CRYM: variants seen among roughly 807,000 people sequenced by gnomAD.
CRYM encodes the protein crystallin mu, also known as ketimine reductase mu-crystallin.
CRYM carries 18 observed loss-of-function variants against 32.9 expected under a neutral mutation model. That is an observed-to-expected ratio of 0.55 (90% CI 0.38 to 0.81). CRYM has a LOEUF of 0.81. Among genes scored for constraint, CRYM ranks in the 30% least tolerant of loss-of-function variants. The pLI is 0.00. For missense variants in CRYM, 337 were observed against 393.5 expected (o/e 0.86, Z 1.21); for synonymous variants, 153 against 152.4 (o/e 1.00, Z -0.03).
rs1446060399 is a variant in CRYM, at chr16:21,261,293, G to A, written c.841C>T (p.Pro281Ser). 2 of 1,613,870 alleles carry A rather than the reference G, an allele frequency of 1.2e-6. No homozygotes were observed. The highest frequency in any genetic ancestry group is 2.7e-5 in the African/African-American group (2 of 74,872). ...ACGGTGGTCTTCTCACAGTGGGCTG[G>A]TTTCACTCCCTTAATCACTTCTCCC... is the stretch of plus-strand genomic sequence containing the variant. ...ELGEVIKGVK[P>S]AHCEKTTVFK... Residue 281 changes from proline (P) to serine (S), a missense_variant, in exon 7 of 8, where the codon CCA becomes TCA. Coordinates refer to ENST00000572914, the MANE Select transcript of CRYM (RefSeq NM_001376256.1).
At chr16:21,259,359 C>T (rs1222322494) in intron 7 of CRYM, among the ~76,000 whole-genome samples, 10 of 151,974 alleles carry the variant, frequency 6.6e-5, no homozygotes, top group African/African-American at 4.8e-5. Context: ...CCGCCCACCT[C>T]GGCCTCCCAA....
At chr16:21,281,233 T>C (rs1294944546), upstream of CRYM, among the ~76,000 whole-genome samples, 2 of 151,388 alleles carry the variant, frequency 1.3e-5, no homozygotes, top group Admixed American at 6.6e-5. Context: ...TATATAGATA[T>C]GTATATATGT....
intron 7 of CRYM, among the ~76,000 whole-genome samples, chr16:21,259,521 G>A (rs1747591281): frequency 6.6e-6 from 1 of 152,112 alleles, no homozygotes; most frequent in African/African-American, 2.4e-5. Flanking sequence ...CAGCCAACAG[G>A]TAAACAAAAG....
intron 3 of CRYM, among the ~76,000 whole-genome samples, chr16:21,274,611 T>G (rs554306319): frequency 5.1e-4 from 78 of 152,310 alleles, no homozygotes; most frequent in Non-Finnish European, 6.8e-4. Flanking sequence ...TTTTGTTTCC[T>G]TTTTGTTTTG....
chr16:21,261,708 A>C, intron 6 of CRYM: 1 of 462,736 alleles, frequency 2.2e-6, no homozygotes, highest in South Asian at 2.2e-5. Flanking sequence ...GAAGGTGGGC[A>C]ACACAGTCTT....
chr16:21,295,289 C>T (rs1336050303), intron 1 of CRYM, among the ~76,000 whole-genome samples: 1 of 152,172 alleles, frequency 6.6e-6, no homozygotes, highest in Non-Finnish European at 1.5e-5. Flanking sequence ...TCACCAACAG[C>T]GTAAAAGTGT....
chr16:21,263,808 T>C (rs1051395344), intron 5 of CRYM, among the ~76,000 whole-genome samples: 6 of 152,160 alleles, frequency 3.9e-5, no homozygotes, highest in Non-Finnish European at 5.9e-5. Context: ...TTAGATGTGG[T>C]GGAGACTGAG....
chr16:21,295,749 A>G (rs185431257), intron 1 of CRYM, among the ~76,000 whole-genome samples: 13 of 152,284 alleles, frequency 8.5e-5, no homozygotes, highest in Non-Finnish European at 1.5e-5. Flanking sequence ...CCTGGCCAAC[A>G]TGGTGAAACT....
chr16:21,262,232 A>G, intron 5 of CRYM, 74 bp from the exon 6 acceptor site: 2 of 1,598,956 alleles, frequency 1.3e-6, no homozygotes, highest in Admixed American at 1.7e-5. Context: ...AGCACAGGAG[A>G]GAGGTGAACA....
At chr16:21,258,870 G>A (rs775938865) in intron 7 of CRYM, 25 bp from the exon 8 acceptor site, 16 of 1,611,702 alleles carry the variant, frequency 9.9e-6, no homozygotes, top group African/African-American at 2.7e-5. Flanking sequence ...AATTTGGTTC[G>A]CCTTTGGTCA....
At chr16:21,260,566 T>C (rs9934382) in intron 7 of CRYM, among the ~76,000 whole-genome samples, 56,979 of 152,114 alleles carry the variant, frequency 0.37, 13,348 homozygotes, top group African/African-American at 0.66. Context: ...TCCCAAAGTG[T>C]TGGGATTACA....
At chr16:21,293,515 G>A (rs149151463) in intron 1 of CRYM, among the ~76,000 whole-genome samples, 923 of 152,260 alleles carry the variant, frequency 6.1e-3, no homozygotes, top group Middle Eastern at 0.014. Flanking sequence ...CTGGTTATAG[G>A]GGGAAATAAA....
chr16:21,290,823 A>G (rs999229989), intron 1 of CRYM, among the ~76,000 whole-genome samples: 3 of 151,950 alleles, frequency 2.0e-5, no homozygotes, highest in Non-Finnish European at 4.4e-5. Flanking sequence ...TCCTCTTTCC[A>G]CTGTTGAGTC....
intron 1 of CRYM, among the ~76,000 whole-genome samples, chr16:21,289,738 C>G (rs1960571931): frequency 1.3e-5 from 2 of 152,050 alleles, no homozygotes; most frequent in Admixed American, 1.3e-4. Flanking sequence ...AGGTGCCCGG[C>G]TTTTATTCCC....
chr16:21,268,148 C>T (rs1338722039), intron 4 of CRYM, among the ~76,000 whole-genome samples: 2 of 152,158 alleles, frequency 1.3e-5, no homozygotes, highest in Admixed American at 6.6e-5. Context: ...GCCTTAGTTT[C>T]CACATCTGTA....
intron 5 of CRYM, among the ~76,000 whole-genome samples, chr16:21,267,137 G>C (rs183146026): frequency 3.3e-5 from 5 of 152,112 alleles, no homozygotes; most frequent in African/African-American, 4.8e-5. Context: ...TCTCTCTGTT[G>C]CCCAGGCTAA....
Position 21,261,339 on chromosome 16 carries a change from C to T in CRYM, c.796-1G>A. 1 of 1,613,700 alleles carries T rather than the reference C, an allele frequency of 6.2e-7. No homozygotes were observed. Among genetic ancestry groups the T allele is most frequent in the Non-Finnish European group, 8.5e-7 (1 of 1,179,888 alleles). ...CTCCCAGCTCAGCAAAGATCTCGGCCTAGGAAACAAACATACGCTGACCCA... is the reference window on the plus strand; with the variant it reads ...CTCCCAGCTCAGCAAAGATCTCGGCTTAGGAAACAAACATACGCTGACCCA... On this transcript the variant is annotated splice_acceptor_variant, in intron 6 of 7. Coordinates refer to ENST00000572914, the MANE Select transcript of CRYM (RefSeq NM_001376256.1). LOFTEE classifies it high-confidence loss of function.
At position 21,258,831 on chromosome 16, in the gene CRYM, CTTCCACTGCCA is replaced by C. The variant is rs2093349120; in HGVS notation, c.884_894del (p.Met295ArgfsTer10). The C allele has an allele frequency of 6.2e-7, 1 of 1,614,156 alleles. No individual in the cohort carries two copies. Among genetic ancestry groups the C allele is most frequent in the East Asian group, 2.2e-5 (1 of 44,878 alleles). On this transcript the variant is annotated frameshift_variant, in exon 8 of 8. Transcript: ENST00000572914. LOFTEE classifies it high-confidence loss of function. ...TAGATGAGTTTGGCTGCAACTGTGT[CTTCCACTGCCA>C]TTCCTAGAATAGACAGAAATTTGGT...
chr16:21,290,432 G>A (rs921317744), intron 1 of CRYM, among the ~76,000 whole-genome samples: 1 of 152,186 alleles, frequency 6.6e-6, no homozygotes. Context: ...AGAAACTCGG[G>A]ACACATCTGA....
Sources: gnomAD v4.1 joint callset for allele counts (sites outside exome capture counted in the v4.1 genomes callset) on GRCh38, gnomAD v4.1.1 for gene constraint, MANE v1.5 for transcripts, NCBI Gene and HGNC (gene_info 2026-07-23, HGNC 2026-07-21) for gene names.